Variants in SCHIP1 observed in about 807,000 individuals in gnomAD.
SCHIP1 encodes schwannomin-interacting protein 1.
SCHIP1 carries 8 observed loss-of-function variants against 29.7 expected under a neutral mutation model. The observed-to-expected ratio is 0.27, with a 90% CI of 0.16 to 0.49. The LOEUF is 0.49. Ranked by LOEUF, SCHIP1 falls within the 20% of genes least tolerant of loss-of-function variation. SCHIP1 has a pLI of 0.99. For synonymous variants in SCHIP1, 76 were observed against 94.9 expected (o/e 0.80, Z 1.16); for missense variants, 193 against 294.6 (o/e 0.66, Z 2.52).
the SCHIP1 span, among the ~76,000 whole-genome samples, chr3:159,410,402 A>T: frequency 6.6e-6 from 1 of 152,136 alleles, no homozygotes; most frequent in Non-Finnish European, 1.5e-5. Context: ...AATAACCATA[A>T]TATATAAGGA....
At chr3:159,552,445 T>C in the SCHIP1 span, among the ~76,000 whole-genome samples, 47 of 152,014 alleles carry the variant, frequency 3.1e-4, no homozygotes. Flanking sequence ...AATGAATGAA[T>C]CGACAAAAAA....
chr3:159,879,015 G>C (rs1351951857), intron 2 of SCHIP1, among the ~76,000 whole-genome samples: 3 of 150,624 alleles, frequency 2.0e-5, no homozygotes, highest in Non-Finnish European at 3.0e-5. Context: ...CATAGGTACT[G>C]TTTTTAGCCT....
chr3:159,639,567 G>A, the SCHIP1 span, among the ~76,000 whole-genome samples: 1 of 152,056 alleles, frequency 6.6e-6, no homozygotes, highest in Non-Finnish European at 1.5e-5. Flanking sequence ...CATCCTTGGG[G>A]CTATTTAAAA....
the SCHIP1 span, among the ~76,000 whole-genome samples, chr3:159,359,470 A>G: frequency 6.6e-6 from 1 of 152,120 alleles, no homozygotes; most frequent in Non-Finnish European, 1.5e-5. Flanking sequence ...TACTACCCAC[A>G]TGTCTACTTA....
chr3:159,853,442 G>A, intron 1 of SCHIP1: 1 of 697,456 alleles, frequency 1.4e-6, no homozygotes, highest in Non-Finnish European at 2.6e-6. Flanking sequence ...TGGATATGGA[G>A]GGGAATTATA....
chr3:159,839,628 C>CTTTTTTTTTTTTTTTTTTTTT (rs3068349), upstream of SCHIP1, among the ~76,000 whole-genome samples: 1 of 71,710 alleles, frequency 1.4e-5, no homozygotes, highest in Non-Finnish European at 2.4e-5. Context: ...AGGTCTTTTT[C>CTTTTTTTTTTTTTTTTTTTTT]TTTTTTTTTT....
At chr3:159,800,551 A>G in the SCHIP1 span, among the ~76,000 whole-genome samples, 3 of 152,190 alleles carry the variant, frequency 2.0e-5, no homozygotes, top group South Asian at 2.1e-4. Context: ...GGTCTGAGGA[A>G]CAGTGACCTC....
intron 2 of SCHIP1, among the ~76,000 whole-genome samples, chr3:159,882,175 A>T (rs1442819282): frequency 1.3e-5 from 2 of 152,200 alleles, no homozygotes; most frequent in African/African-American, 4.8e-5. Flanking sequence ...TCATTTTTAT[A>T]AAGAGGTTGT....
chr3:159,349,541 C>T, the SCHIP1 span, among the ~76,000 whole-genome samples: 29 of 152,226 alleles, frequency 1.9e-4, no homozygotes, highest in Admixed American at 1.8e-3. Flanking sequence ...AAAAACTCAC[C>T]CCACTGCCTA....
At chr3:159,711,360 CAAAAAAAAAAAAAAAAAAAAAAAAAAAA>C in the SCHIP1 span, among the ~76,000 whole-genome samples, 2 of 6,752 alleles carry the variant, frequency 3.0e-4, 1 homozygote, top group Non-Finnish European at 4.0e-4. Flanking sequence ...GACTCCGTCT[CAAAAAAAAAAAAAAAAAAAAAAAAAAAA>C]AAAAAAAAAG....
the SCHIP1 span, among the ~76,000 whole-genome samples, chr3:159,289,588 G>A: frequency 2.6e-5 from 4 of 152,188 alleles, no homozygotes; most frequent in Admixed American, 2.6e-4. Context: ...GCATGCTAGT[G>A]TTTTTCCTTT....
At chr3:159,655,476 T>G in the SCHIP1 span, among the ~76,000 whole-genome samples, 15 of 152,176 alleles carry the variant, frequency 9.9e-5, no homozygotes, top group African/African-American at 3.4e-4. Context: ...CTGGCTGGAA[T>G]GCTTAGCTCT....
the SCHIP1 span, among the ~76,000 whole-genome samples, chr3:159,373,462 A>AT: frequency 3.3e-5 from 5 of 152,042 alleles, no homozygotes; most frequent in East Asian, 9.7e-4. Flanking sequence ...CCTCTTAGGG[A>AT]TTTTGACATG....
At chr3:159,523,301 C>T in the SCHIP1 span, among the ~76,000 whole-genome samples, 3 of 152,118 alleles carry the variant, frequency 2.0e-5, no homozygotes, top group Non-Finnish European at 2.9e-5. Flanking sequence ...GTTTTAATAG[C>T]TTGTTTTTAA....
At chr3:159,379,683 A>G in the SCHIP1 span, among the ~76,000 whole-genome samples, 3 of 152,324 alleles carry the variant, frequency 2.0e-5, no homozygotes, top group South Asian at 2.1e-4. Context: ...TGGGGATTAC[A>G]TTATTCTTCT....
chr3:159,679,816 C>T, the SCHIP1 span, among the ~76,000 whole-genome samples: 1 of 152,096 alleles, frequency 6.6e-6, no homozygotes, highest in African/African-American at 2.4e-5. Flanking sequence ...TTCGACGCCC[C>T]TCATCACTGT....
At chr3:159,889,550 C>G (rs1261378943) in intron 5 of SCHIP1, among the ~76,000 whole-genome samples, 3 of 152,176 alleles carry the variant, frequency 2.0e-5, no homozygotes, top group Non-Finnish European at 2.9e-5. Context: ...AGAACATTCT[C>G]ACTTAGGCAG....
At chr3:159,494,654 C>G in the SCHIP1 span, among the ~76,000 whole-genome samples, 10 of 152,148 alleles carry the variant, frequency 6.6e-5, no homozygotes, top group African/African-American at 2.4e-4. Flanking sequence ...GATGGATTCA[C>G]AGCTGAATTC....
chr3:159,686,934 A>G, the SCHIP1 span, among the ~76,000 whole-genome samples: 1 of 151,902 alleles, frequency 6.6e-6, no homozygotes, highest in Admixed American at 6.6e-5. Context: ...TTCTGTACTA[A>G]CCCTGCTTTC....
Sources: gnomAD v4.1 joint callset for allele counts (sites outside exome capture counted in the v4.1 genomes callset) on GRCh38, gnomAD v4.1.1 for gene constraint, MANE v1.5 for transcripts, NCBI Gene and HGNC (gene_info 2026-07-23, HGNC 2026-07-21) for gene names.